Variants in MYLK observed in about 807,000 individuals in gnomAD.
The protein encoded by MYLK is myosin light chain kinase.
MYLK carries 106 observed loss-of-function variants against 203.4 expected under a neutral mutation model. The ratio of observed to expected loss-of-function variants is 0.52; its 90% confidence interval spans 0.45 to 0.61. The LOEUF (loss-of-function observed/expected upper bound fraction) is 0.61. MYLK is among the 20% of genes least tolerant of loss of function. MYLK has a pLI of 0.00. For missense variants in MYLK, 2,072 were observed against 2,442.3 expected (o/e 0.85, Z 3.20); for synonymous variants, 867 against 959.5 (o/e 0.90, Z 1.78).
intron 4 of MYLK, among the ~76,000 whole-genome samples, chr3:123,786,530 G>C: frequency 9.7e-6 from 1 of 102,910 alleles, no homozygotes; most frequent in African/African-American, 3.7e-5. Context: ...GTGGGGGTGG[G>C]GGAGGAGGGG....
chr3:123,880,934 A>C (rs2033496584), intron 1 of MYLK, among the ~76,000 whole-genome samples: 1 of 152,174 alleles, frequency 6.6e-6, no homozygotes, highest in Admixed American at 6.5e-5. Flanking sequence ...GTTGGCCCGC[A>C]GTGCAAATAC....
chr3:123,822,901 G>A (rs2065985153), intron 3 of MYLK, among the ~76,000 whole-genome samples: 1 of 152,154 alleles, frequency 6.6e-6, no homozygotes, highest in African/African-American at 2.4e-5. Context: ...TTGGAGTGAG[G>A]CAGTTAAGGG....
intron 31 of MYLK, 26 bp from the exon 32 acceptor site, chr3:123,620,362 C>T: frequency 1.2e-6 from 2 of 1,613,920 alleles, no homozygotes; most frequent in South Asian, 1.1e-5. Context: ...GAGGGTTGGA[C>T]TCAGGCGTTG....
chr3:123,777,663 G>C (rs1420546954), intron 4 of MYLK, among the ~76,000 whole-genome samples: 1 of 152,232 alleles, frequency 6.6e-6, no homozygotes, highest in Non-Finnish European at 1.5e-5. Context: ...TGGGAACTGG[G>C]CTGAGGGTGT....
rs368288194 is a variant in MYLK, at chr3:123,830,309, CTG to C, written c.-4+1237_-4+1238del. The stretch of plus-strand genomic sequence containing the variant: ...AAAGCCCCCATCTGAGCCACATATG[CTG>C]TGTTTTCTTTCAGGCAGTAGCAGGA... On this transcript the variant is annotated intron_variant, in intron 3 of 33. Transcript: ENST00000360304. Among the ~76,000 whole-genome samples, 461 of 152,342 alleles carry C rather than the reference CTG, an allele frequency of 3.0e-3. 2 individuals carry two copies. The highest frequency in any genetic ancestry group is 0.01 in the African/African-American group (424 of 41,572).
Position 123,682,071 on chromosome 3 carries a change from A to G in MYLK, c.3652+153T>C, listed in dbSNP as rs545964489. The G allele has an allele frequency of 9.9e-6, 7 of 705,464 alleles. No homozygotes were observed. The East Asian group carries it at 1.6e-4, about 16-fold the overall frequency. The allele number at this position is 705,464 out of a possible 1,614,324, so 43.7% of individuals were successfully genotyped here. A position where few individuals can be genotyped will look rare whatever the true frequency, so the allele number is the denominator to read the frequency against. ...CCACTGGCTCTGTTATTGGGAGTTCACTGGGCACTTCAGGGTGTGGGCAGA... is the reference window on the plus strand; with the variant it reads ...CCACTGGCTCTGTTATTGGGAGTTCGCTGGGCACTTCAGGGTGTGGGCAGA... On this transcript the variant is annotated intron_variant, in intron 20 of 33. Transcript: ENST00000360304.
rs1283638546 is a variant in MYLK at position 123,629,002 on chromosome 3, A to T, written c.5114+472T>A. 6.6e-6 allele frequency among the ~76,000 whole-genome samples: 1 copy of T among 152,148 alleles called. No homozygotes were observed. Among genetic ancestry groups the T allele is most frequent in the South Asian group, 2.1e-4 (1 of 4,824 alleles). On this transcript the variant is annotated intron_variant, in intron 30 of 33. Coordinates refer to ENST00000360304, the MANE Select transcript of MYLK (RefSeq NM_053025.4). This position sits in a 1 kb window ranked among gnomAD's most constrained non-coding sequence, Gnocchi z 4.4. ...ATAACTGAGATATAAAAAAACACTA[A>T]GCCAGAATAATAATAATAATCTGGG...
intron 3 of MYLK, chr3:123,814,123 A>G: frequency 2.8e-6 from 1 of 359,316 alleles, no homozygotes; most frequent in South Asian, 2.5e-5. Context: ...GTAGGCACTG[A>G]CCCAGAAGGC....
chr3:123,792,458 C>A (rs1227260056), intron 4 of MYLK, among the ~76,000 whole-genome samples: 1 of 152,222 alleles, frequency 6.6e-6, no homozygotes, highest in Non-Finnish European at 1.5e-5. Context: ...CTCTTCCCCC[C>A]AGCCCCTGGT....
In MYLK at chr3:123,610,058, G is replaced by A. The variant is rs751064928; in HGVS notation, c.*4047C>T. 2 of 152,056 alleles carry A rather than the reference G, an allele frequency of 1.3e-5. No homozygotes were observed. Among genetic ancestry groups the A allele is most frequent in the Non-Finnish European group, 2.9e-5 (2 of 68,004 alleles). 9.4% of individuals were successfully genotyped at this position (152,056 alleles called of 1,614,324 possible). A position where few individuals can be genotyped will look rare whatever the true frequency, so the allele number is the denominator to read the frequency against. ...TTAAGAACAACAACACTTGAGTATC[G>A]AGACTATATTATCCAATACAATTGA... On this transcript the variant is annotated 3_prime_UTR_variant, in exon 34 of 34. Transcript: ENST00000360304.
At chr3:123,627,083 A>C in intron 30 of MYLK, 142 bp from the exon 31 acceptor site, 3 of 903,582 alleles carry the variant, frequency 3.3e-6, no homozygotes, top group Non-Finnish European at 5.3e-6. Context: ...CACCGTGATC[A>C]GGATCACTGT....
intron 14 of MYLK, 47 bp from the exon 15 acceptor site, chr3:123,708,942 C>G (rs765112209): frequency 6.4e-7 from 1 of 1,552,484 alleles, no homozygotes; most frequent in Non-Finnish European, 8.9e-7. Context: ...AGGTCCTCCC[C>G]GGCCATGCAG....
intron 19 of MYLK, among the ~76,000 whole-genome samples, chr3:123,687,606 T>A (rs1248725959): frequency 6.6e-6 from 1 of 151,096 alleles, no homozygotes; most frequent in Non-Finnish European, 1.5e-5. Context: ...CTTCCTTCCT[T>A]CCTACCTTCA....
At chr3:123,736,439 C>T (rs2062676270) in intron 8 of MYLK, among the ~76,000 whole-genome samples, 1 of 152,098 alleles carries the variant, frequency 6.6e-6, no homozygotes, top group Non-Finnish European at 1.5e-5. Flanking sequence ...TTCCTGACCC[C>T]CGAGTTCCTG....
At chr3:123,658,981 G>A (rs888253203) in intron 23 of MYLK, among the ~76,000 whole-genome samples, 4 of 152,230 alleles carry the variant, frequency 2.6e-5, no homozygotes, top group African/African-American at 9.6e-5. Flanking sequence ...CCCAGTGCTG[G>A]CAGTCATGCC....
At chr3:123,627,391 A>G (rs1157594023) in intron 30 of MYLK, among the ~76,000 whole-genome samples, 1 of 152,168 alleles carries the variant, frequency 6.6e-6, no homozygotes, top group African/African-American at 2.4e-5. Flanking sequence ...CAATCACTGA[A>G]CTTTCATGTT....
Position 123,685,795 on chromosome 3 carries a change from G to C in MYLK, c.3566-3485C>G, listed in dbSNP as rs368952354. ...GCCCTAGGGTGCTGGGTTTTCACTGGACGTGTCAGTACACTACCCTGTAAT... is the reference window on the plus strand; with the variant it reads ...GCCCTAGGGTGCTGGGTTTTCACTGCACGTGTCAGTACACTACCCTGTAAT... On this transcript the variant is annotated intron_variant, in intron 19 of 33. Coordinates refer to ENST00000360304, the MANE Select transcript of MYLK (RefSeq NM_053025.4). Among the ~76,000 whole-genome samples, 7 of 152,186 alleles carry C rather than the reference G, an allele frequency of 4.6e-5. No homozygotes were observed. The South Asian group carries it at 1.2e-3, about 27-fold the overall frequency.
At chr3:123,711,129 T>C (rs1439286393) in intron 13 of MYLK, among the ~76,000 whole-genome samples, 1 of 151,346 alleles carries the variant, frequency 6.6e-6, no homozygotes, top group Non-Finnish European at 1.5e-5. Flanking sequence ...GAGTGCATGT[T>C]GGATGACTCC....
intron 20 of MYLK, 100 bp downstream of exon 20, chr3:123,682,124 A>G (rs769269330): frequency 2.1e-5 from 19 of 889,948 alleles, no homozygotes; most frequent in African/African-American, 6.6e-5. Flanking sequence ...TTCAGGCAAG[A>G]GTGAGTGACC....
Sources: allele counts gnomAD v4.1 joint callset (sites outside exome capture counted in the v4.1 genomes callset), GRCh38; gene constraint gnomAD v4.1.1; non-coding constraint Gnocchi (gnomAD v3.1); transcripts MANE v1.5; gene names NCBI Gene and HGNC (gene_info 2026-07-23, HGNC 2026-07-21).